Variants in SRF observed in about 807,000 individuals in gnomAD.
SRF encodes serum response factor, also known as c-fos serum response element-binding transcription factor.
SRF carries 7 observed loss-of-function variants against 37.1 expected under a neutral mutation model. That is an observed-to-expected ratio of 0.19 (90% CI 0.11 to 0.35). The LOEUF is 0.35. Ranked by LOEUF, SRF falls within the 10% of genes least tolerant of loss-of-function variation. The probability of loss-of-function intolerance (pLI) is 1.00; values close to 1 mark genes in which losing one functional copy is unlikely to be tolerated. For synonymous variants in SRF, 285 were observed against 310.1 expected, an observed-to-expected ratio of 0.92 and a Z score of 0.85; for missense variants, 395 against 694.4, an observed-to-expected ratio of 0.57 and a Z score of 4.85.
At chr6:43,177,552 T>G (rs1490161774) in intron 4 of SRF, among the ~76,000 whole-genome samples, 4 of 151,096 alleles carry the variant, frequency 2.6e-5, no homozygotes, top group African/African-American at 4.9e-5. Context: ...TTTAACAAGA[T>G]TCCCATATAA....
rs929682962 is a variant in SRF, at chr6:43,176,514, G to A, written c.1043-34G>A. 12 of 1,612,402 alleles carry A rather than the reference G, an allele frequency of 7.4e-6. No individual in the cohort carries two copies. The highest frequency in any genetic ancestry group is 9.3e-6 in the Non-Finnish European group (11 of 1,179,014). On this transcript the variant is annotated intron_variant, in intron 3 of 6. Coordinates refer to ENST00000265354, the MANE Select transcript of SRF (RefSeq NM_003131.4). This position sits in a 1 kb window ranked among gnomAD's most constrained non-coding sequence, Gnocchi z 4.0. ...ACTTGGTGGAGGTGGCAATTGGGTG[G>A]GACAGAGCACAAATAAGACTCTGTG...
chr6:43,180,656 AGGGG>A lies in SRF; in HGVS notation c.*1469_*1472del, dbSNP rs1243599383. On this transcript the variant is annotated 3_prime_UTR_variant, in exon 7 of 7. Coordinates refer to ENST00000265354, the MANE Select transcript of SRF (RefSeq NM_003131.4). The stretch of plus-strand genomic sequence containing the variant: ...GTAGACCTTGAGGGTGGGCCAGCAT[AGGGG>A]GGAGGGTCTTTTACCCTGTGTCAGA... 1.3e-5 allele frequency: 2 copies of A among 152,584 alleles called. No homozygotes were observed. Among genetic ancestry groups the A allele is most frequent in the African/African-American group, 4.8e-5 (2 of 41,412 alleles). 9.5% of individuals were successfully genotyped at this position (152,584 alleles called of 1,614,324 possible).
At position 43,172,055 on chromosome 6, in the gene SRF, G is replaced by T. The variant is rs577333967; in HGVS notation, c.399G>T (p.Gly133=). The T allele has an allele frequency of 2.0e-5, 32 of 1,608,736 alleles. 2 individuals are homozygous for T. The South Asian group carries it at 3.4e-4, about 17-fold the overall frequency. The change falls in exon 1 of 7, where the codon GGG becomes GGT. Residue 133 remains glycine, a synonymous_variant. Transcript: ENST00000265354. This position sits in a 1 kb window ranked among gnomAD's most constrained non-coding sequence, Gnocchi z 5.7. ...GGCCGGTGAGCGGCGCGGTGAGCGG[G>T]GCCAAGCCGGGTAAGAAGACCCGGG... The part of the protein sequence containing the change: ...GYGPVSGAVS[G]AKPGKKTRGR...
rs1562001458 is a variant in SRF, at chr6:43,178,529, C to T, written c.1354+44C>T. 1 of 1,563,872 alleles carries T rather than the reference C, an allele frequency of 6.4e-7. No homozygotes were observed. Among genetic ancestry groups the T allele is most frequent in the Non-Finnish European group, 8.7e-7 (1 of 1,144,698 alleles). ...CTAAGGAAAGGAGGACCGTTTCCTT[C>T]TTTATACACACACACACACACACAT... is the stretch of plus-strand genomic sequence containing the variant. On this transcript the variant is annotated intron_variant, in intron 5 of 6. Transcript: ENST00000265354. This position sits in a 1 kb window ranked among gnomAD's most constrained non-coding sequence, Gnocchi z 4.3.
chr6:43,171,812 G>T lies in SRF; in HGVS notation c.156G>T (p.Gly52=). The change falls in exon 1 of 7, where the codon GGG becomes GGT. Residue 52 remains glycine (G), a synonymous_variant. Coordinates refer to ENST00000265354, the MANE Select transcript of SRF (RefSeq NM_003131.4). The surrounding 1 kb of genome is among the most constrained non-coding windows in gnomAD (Gnocchi z 6.5). The stretch of plus-strand genomic sequence containing the variant: ...TCCCCGGGAATGGCGCGGGGCTCGG[G>T]CCCGGCCGCCTGGAGCGGGAGGCTG... The part of the protein sequence containing the change: ...GRVPGNGAGL[G]PGRLEREAAA... 4 of 1,232,348 alleles carry T rather than the reference G, an allele frequency of 3.2e-6. No homozygotes were observed. The highest frequency in any genetic ancestry group is 4.0e-6 in the Non-Finnish European group (4 of 988,586). The allele number at this position is 1,232,348 out of a possible 1,614,324, so 76.3% of individuals were successfully genotyped here. A position where few individuals can be genotyped will look rare whatever the true frequency, so the allele number is the denominator to read the frequency against.
chr6:43,174,127 GC>G lies in SRF; in HGVS notation c.780+16del, dbSNP rs767585389. The G allele has an allele frequency of 6.2e-7, 1 of 1,613,362 alleles. No homozygotes were observed. The highest frequency in any genetic ancestry group is 8.5e-7 in the Non-Finnish European group (1 of 1,179,542). On this transcript the variant is annotated intron_variant, in intron 2 of 6. Transcript: ENST00000265354. ...GGGGAGACCAAGGTGTGTTTGGGTTGCCTATGTGAGAGGAGGGAAGGGAGTG... is the reference window on the plus strand; with the variant it reads ...GGGGAGACCAAGGTGTGTTTGGGTTGCTATGTGAGAGGAGGGAAGGGAGTG...
chr6:43,177,378 C>T lies in SRF; in HGVS notation c.1162+711C>T, dbSNP rs548984189. Among the ~76,000 whole-genome samples, 296 of 151,478 alleles carry T rather than the reference C, an allele frequency of 2.0e-3. 1 individual carries two copies. The highest frequency in any genetic ancestry group is 8.0e-3 in the Admixed American group (121 of 15,218). On this transcript the variant is annotated intron_variant, in intron 4 of 6. Transcript: ENST00000265354. Reference sequence around the variant, plus strand: ...CCGAGTAGCTGGGACTACAGGTGCCCGCCACCACACCTGGCTAATTTTTTT... The same window carrying T: ...CCGAGTAGCTGGGACTACAGGTGCCTGCCACCACACCTGGCTAATTTTTTT...
chr6:43,181,468 A>G lies in SRF; in HGVS notation c.*2278A>G, dbSNP rs1251199365. ...CAGAGCTTTCTTTTGTATTAAAAAA[A>G]AATACTCTTTCAATAAATGTATCAT... On this transcript the variant is annotated 3_prime_UTR_variant, in exon 7 of 7. Transcript: ENST00000265354. The G allele has an allele frequency of 6.6e-6, 1 of 152,604 alleles. No individual in the cohort carries two copies. The highest frequency in any genetic ancestry group is 1.9e-4 in the East Asian group (1 of 5,188). 9.5% of individuals were successfully genotyped at this position (152,604 alleles called of 1,614,324 possible). A position where few individuals can be genotyped will look rare whatever the true frequency, so the allele number is the denominator to read the frequency against.
chr6:43,177,914 CAA>C (rs748998373), intron 4 of SRF, among the ~76,000 whole-genome samples: 16 of 47,884 alleles, frequency 3.3e-4, no homozygotes, highest in South Asian at 6.6e-4. Context: ...GACTCCATCT[CAA>C]AAAAAAAAAA....
At position 43,178,796 on chromosome 6, in the gene SRF, T is replaced by G. The variant is rs763768924; in HGVS notation, c.1355-10T>G. 6.2e-7 allele frequency: 1 copy of G among 1,614,074 alleles called. No homozygotes were observed. Among genetic ancestry groups the G allele is most frequent in the Non-Finnish European group, 8.5e-7 (1 of 1,179,912 alleles). ...ACAATTTGAGTATCTCCTGTGGTTTTCCAATGTAGGTGGCGTCCCCCAGGT... is the reference window on the plus strand; with the variant it reads ...ACAATTTGAGTATCTCCTGTGGTTTGCCAATGTAGGTGGCGTCCCCCAGGT... On this transcript the variant is annotated splice_polypyrimidine_tract_variant and intron_variant, in intron 5 of 6. Transcript: ENST00000265354. This position sits in a 1 kb window ranked among gnomAD's most constrained non-coding sequence, Gnocchi z 4.3.
Position 43,172,356 on chromosome 6 carries a change from A to AG in SRF, c.513+191dup, listed in dbSNP as rs888199405. 276 of 983,776 alleles carry AG rather than the reference A, an allele frequency of 2.8e-4. No individual in the cohort carries two copies. The highest frequency in any genetic ancestry group is 3.3e-4 in the Non-Finnish European group (272 of 829,592). The allele number at this position is 983,776 out of a possible 1,614,324, so 60.9% of individuals were successfully genotyped here. A position where few individuals can be genotyped will look rare whatever the true frequency, so the allele number is the denominator to read the frequency against. On this transcript the variant is annotated intron_variant, in intron 1 of 6. Transcript: ENST00000265354. The surrounding 1 kb of genome is among the most constrained non-coding windows in gnomAD (Gnocchi z 5.7). The stretch of plus-strand genomic sequence containing the variant: ...GGGGCCGCCGGGGAAATGTGGGGAG[A>AG]GGGGAGATCCCGCGAACGCTCGCAA...
chr6:43,174,097 G>A lies in SRF; in HGVS notation c.764G>A (p.Ser255Asn). The A allele has an allele frequency of 6.2e-7, 1 of 1,614,192 alleles. No individual in the cohort carries two copies. The highest frequency in any genetic ancestry group is 8.5e-7 in the Non-Finnish European group (1 of 1,180,006). The change falls in exon 2 of 7, where the codon AGC becomes AAC. Residue 255 changes from serine to asparagine, a missense_variant. By Grantham distance (46) the Ser-to-Asn change is conservative (BLOSUM62 1). Coordinates refer to ENST00000265354, the MANE Select transcript of SRF (RefSeq NM_003131.4). ...ACCTACCAGGTGTCGGAGTCTGACAGCAGTGGGGAGACCAAGGTGTGTTTG... is the reference window on the plus strand; with the variant it reads ...ACCTACCAGGTGTCGGAGTCTGACAACAGTGGGGAGACCAAGGTGTGTTTG... ...DLTYQVSESDSSGETKDTLKP... is the reference protein window; with the variant it reads ...DLTYQVSESDNSGETKDTLKP...
At chr6:43,177,245 T>TTTTTTTTTTTTTTTTTAG (rs1445271110) in intron 4 of SRF, among the ~76,000 whole-genome samples, 2 of 149,360 alleles carry the variant, frequency 1.3e-5, no homozygotes, top group African/African-American at 2.5e-5. Flanking sequence ...TTTTTTTTTT[T>TTTTTTTTTTTTTTTTTAG]GAGACGGAGT....
Position 43,171,915 on chromosome 6 carries a change from G to T in SRF, c.259G>T (p.Glu87Ter). The change falls in exon 1 of 7, where the codon GAG becomes TAG. Residue 87 changes from glutamate (E) to a stop codon, truncating the protein, a stop_gained. Transcript: ENST00000265354. LOFTEE classifies it high-confidence loss of function. This position sits in a 1 kb window ranked among gnomAD's most constrained non-coding sequence, Gnocchi z 6.5. ...CAGCGAGGGCGACTCGGAGTCGGGC[G>T]AGGAGGAGGAGCTGGGCGCCGAGCG... ...SGSEGDSESG[E>*]EEELGAERRG... is the part of the protein sequence containing the mutation. 6.9e-7 allele frequency: 1 copy of T among 1,443,748 alleles called. No individual in the cohort carries two copies. 89.4% of individuals were successfully genotyped at this position (1,443,748 alleles called of 1,614,324 possible).
chr6:43,171,590 G>C lies in SRF; in HGVS notation c.-67G>C, dbSNP rs1772097419. The C allele has an allele frequency of 8.5e-7, 1 of 1,175,980 alleles. No individual in the cohort carries two copies. The highest frequency in any genetic ancestry group is 3.7e-5 in the East Asian group (1 of 27,164). 72.8% of individuals were successfully genotyped at this position (1,175,980 alleles called of 1,614,324 possible). Reference sequence around the variant, plus strand: ...GAGTGCCGGGTTGAGCCGGGAAGCCGATGGCGGCGGCTGCGGCGGCTCCGA... The same window carrying C: ...GAGTGCCGGGTTGAGCCGGGAAGCCCATGGCGGCGGCTGCGGCGGCTCCGA... On this transcript the variant is annotated 5_prime_UTR_variant, in exon 1 of 7. Coordinates refer to ENST00000265354, the MANE Select transcript of SRF (RefSeq NM_003131.4). The surrounding 1 kb of genome is among the most constrained non-coding windows in gnomAD (Gnocchi z 6.5).
chr6:43,175,618 T>TCGCCG, intron 2 of SRF, 88 bp from the exon 3 acceptor site: 1 of 1,555,860 alleles, frequency 6.4e-7, no homozygotes, highest in South Asian at 1.2e-5. Context: ...AGCTCACTGG[T>TCGCCG]TTCAGTCTGG....
chr6:43,172,148 G>A lies in SRF; in HGVS notation c.492G>A (p.Arg164=). Residue 164 remains arginine, a synonymous_variant, in exon 1 of 7, where the codon AGG becomes AGA. Coordinates refer to ENST00000265354, the MANE Select transcript of SRF (RefSeq NM_003131.4). The surrounding 1 kb of genome is among the most constrained non-coding windows in gnomAD (Gnocchi z 5.7). ...KLRRYTTFSK[R]KTGIMKKAYE... ...GGCGCTACACGACCTTCAGCAAGAG[G>A]AAGACGGGCATCATGAAGAAGGTAC... is the stretch of plus-strand genomic sequence containing the variant. The A allele has an allele frequency of 3.1e-6, 5 of 1,611,558 alleles. No individual in the cohort carries two copies. The highest frequency in any genetic ancestry group is 4.2e-6 in the Non-Finnish European group (5 of 1,179,716).
chr6:43,173,615 T>G lies in SRF; in HGVS notation c.514-232T>G, dbSNP rs1256072000. Among the ~76,000 whole-genome samples the G allele has an allele frequency of 6.6e-6, 1 of 152,118 alleles. No individual in the cohort carries two copies. Among genetic ancestry groups the G allele is most frequent in the African/African-American group, 2.4e-5 (1 of 41,396 alleles). ...ATGTTCCATCACTGGGGGCTGTTACTGTTTGCTTGGGGTATCTTCAGGTCA... is the reference window on the plus strand; with the variant it reads ...ATGTTCCATCACTGGGGGCTGTTACGGTTTGCTTGGGGTATCTTCAGGTCA... On this transcript the variant is annotated intron_variant, in intron 1 of 6. Coordinates refer to ENST00000265354, the MANE Select transcript of SRF (RefSeq NM_003131.4). This position sits in a 1 kb window ranked among gnomAD's most constrained non-coding sequence, Gnocchi z 4.2.
rs546376204 is a variant in SRF at position 43,172,544 on chromosome 6, C to T, written c.513+375C>T. On this transcript the variant is annotated intron_variant, in intron 1 of 6. Transcript: ENST00000265354. The surrounding 1 kb of genome is among the most constrained non-coding windows in gnomAD (Gnocchi z 5.7). ...GGTCCAGTGCACTCCGGTGTTCGGA[C>T]GAGGGCGCCGGAAAAGCAGGGAGCA... 9 of 851,886 alleles carry T rather than the reference C, an allele frequency of 1.1e-5. No individual in the cohort carries two copies. In the African/African-American group the frequency reaches 1.5e-4, roughly 14 times the overall value. 52.8% of individuals were successfully genotyped at this position (851,886 alleles called of 1,614,324 possible). A position where few individuals can be genotyped will look rare whatever the true frequency, so the allele number is the denominator to read the frequency against.
Sources: allele counts gnomAD v4.1 joint callset (sites outside exome capture counted in the v4.1 genomes callset), GRCh38; gene constraint gnomAD v4.1.1; non-coding constraint Gnocchi (gnomAD v3.1); transcripts MANE v1.5; gene names NCBI Gene and HGNC (gene_info 2026-07-23, HGNC 2026-07-21).